The following FSTL5 variants were observed in gnomAD, a reference collection of about 807,000 sequenced individuals.
The protein encoded by FSTL5 is follistatin-related protein 5.
In FSTL5, 62 loss-of-function variants were observed where a neutral mutation model predicts 89.1. That is an observed-to-expected ratio of 0.70 (90% CI 0.57 to 0.86). The LOEUF (loss-of-function observed/expected upper bound fraction) is 0.86, where lower values mean the gene tolerates loss of function less well. Among genes scored for constraint, FSTL5 ranks in the 40% least tolerant of loss-of-function variants. FSTL5 has a pLI of 0.00. For missense variants in FSTL5, 1,057 were observed against 1,001.6 expected, an observed-to-expected ratio of 1.06 and a Z score of -0.75; for synonymous variants, 383 against 346.2, an observed-to-expected ratio of 1.11 and a Z score of -1.18.
chr4:162,046,230 C>T (rs1738172448), intron 2 of FSTL5, among the ~76,000 whole-genome samples: 1 of 152,050 alleles, frequency 6.6e-6, no homozygotes, highest in African/African-American at 2.4e-5. Context: ...AGTTCATATT[C>T]TATCTGGAAA....
intron 15 of FSTL5, among the ~76,000 whole-genome samples, chr4:161,411,274 C>T (rs572217416): frequency 6.6e-6 from 1 of 152,010 alleles, no homozygotes; most frequent in Non-Finnish European, 1.5e-5. Context: ...AGAACTGATA[C>T]TAATCCTACT....
At chr4:161,760,886 T>A (rs1248036615) in intron 5 of FSTL5, among the ~76,000 whole-genome samples, 1 of 152,172 alleles carries the variant, frequency 6.6e-6, no homozygotes, top group Non-Finnish European at 1.5e-5. Flanking sequence ...TGTTGAACGT[T>A]TCATGATGTC....
intron 4 of FSTL5, among the ~76,000 whole-genome samples, chr4:161,884,595 T>C (rs1472233324): frequency 6.6e-6 from 1 of 152,206 alleles, no homozygotes; most frequent in African/African-American, 2.4e-5. Flanking sequence ...AGGTAGAAAT[T>C]GAAACTAAAA....
chr4:162,017,716 C>A (rs1736953505), intron 3 of FSTL5, among the ~76,000 whole-genome samples: 2 of 152,070 alleles, frequency 1.3e-5, no homozygotes, highest in Admixed American at 1.3e-4. Context: ...GAGAATGAGA[C>A]AACAAAATGG....
chr4:161,835,483 C>T (rs1464019602), intron 4 of FSTL5, among the ~76,000 whole-genome samples: 2 of 151,956 alleles, frequency 1.3e-5, no homozygotes, highest in Non-Finnish European at 2.9e-5. Flanking sequence ...AGCTTCTGCA[C>T]AGCAAAAGAA....
At chr4:161,386,549 T>A in intron 15 of FSTL5, 100 bp from the exon 16 acceptor site, 1 of 754,886 alleles carries the variant, frequency 1.3e-6, no homozygotes, top group Non-Finnish European at 2.1e-6. Flanking sequence ...CAGGCTCTAA[T>A]TGTCAGGCGA....
At chr4:161,453,883 C>T (rs1367726672) in intron 15 of FSTL5, among the ~76,000 whole-genome samples, 1 of 152,174 alleles carries the variant, frequency 6.6e-6, no homozygotes, top group Non-Finnish European at 1.5e-5. Context: ...GGAGAGCTAC[C>T]ATGCCCAGCC....
intron 8 of FSTL5, among the ~76,000 whole-genome samples, chr4:161,570,227 T>C (rs1458430155): frequency 6.6e-6 from 1 of 152,058 alleles, no homozygotes; most frequent in Admixed American, 6.6e-5. Flanking sequence ...GGTGGGGGCA[T>C]AGTTAAAATT....
chr4:162,028,079 T>C (rs1220768378), intron 3 of FSTL5, among the ~76,000 whole-genome samples: 1 of 152,190 alleles, frequency 6.6e-6, no homozygotes, highest in Non-Finnish European at 1.5e-5. Flanking sequence ...CATTACTGCT[T>C]GATAAAAACA....
chr4:162,090,767 C>T (rs1419725803), intron 2 of FSTL5, among the ~76,000 whole-genome samples: 2 of 151,746 alleles, frequency 1.3e-5, no homozygotes, highest in East Asian at 1.9e-4. Flanking sequence ...TCCAGTGAGC[C>T]GAGATTGCGC....
At chr4:161,890,354 T>C (rs1172209972) in intron 4 of FSTL5, among the ~76,000 whole-genome samples, 5 of 152,144 alleles carry the variant, frequency 3.3e-5, no homozygotes, top group African/African-American at 1.2e-4. Flanking sequence ...CAAGTCCCTT[T>C]TTCCTCTATT....
chr4:161,410,697 T>C (rs533770557), intron 15 of FSTL5, among the ~76,000 whole-genome samples: 1 of 152,130 alleles, frequency 6.6e-6, no homozygotes, highest in East Asian at 1.9e-4. Context: ...ACACAACTTA[T>C]CAAAATCTCT....
intron 3 of FSTL5, among the ~76,000 whole-genome samples, chr4:161,962,458 T>C (rs537445370): frequency 6.6e-5 from 10 of 152,152 alleles, no homozygotes; most frequent in East Asian, 5.8e-4. Context: ...AACCCTCTAA[T>C]TGATACCTTG....
intron 15 of FSTL5, among the ~76,000 whole-genome samples, chr4:161,439,668 A>G (rs1196721180): frequency 6.6e-6 from 1 of 152,112 alleles, no homozygotes; most frequent in Non-Finnish European, 1.5e-5. Context: ...AAGAATTAGA[A>G]TCTTTGACAA....
chr4:161,708,070 G>A (rs1191993458), intron 6 of FSTL5, among the ~76,000 whole-genome samples: 2 of 151,996 alleles, frequency 1.3e-5, no homozygotes, highest in Non-Finnish European at 2.9e-5. Context: ...TATATGCAAT[G>A]TGGAAAGCTG....
At chr4:161,696,923 G>A (rs567556006) in intron 6 of FSTL5, among the ~76,000 whole-genome samples, 35 of 152,252 alleles carry the variant, frequency 2.3e-4, no homozygotes, top group East Asian at 7.7e-4. Flanking sequence ...TTTCTTTACC[G>A]ATTAGGATGC....
At chr4:162,159,276 A>G (rs984821086) in intron 1 of FSTL5, among the ~76,000 whole-genome samples, 34 of 152,044 alleles carry the variant, frequency 2.2e-4, no homozygotes, top group Non-Finnish European at 3.8e-4. Flanking sequence ...CTTAATTGCT[A>G]CCTTGGTGCT....
chr4:162,053,805 A>G (rs1738456495), intron 2 of FSTL5, among the ~76,000 whole-genome samples: 1 of 151,832 alleles, frequency 6.6e-6, no homozygotes, highest in Non-Finnish European at 1.5e-5. Flanking sequence ...ATTTTTTAAA[A>G]GTGAACATTC....
At chr4:161,982,839 G>A (rs1235343717) in intron 3 of FSTL5, among the ~76,000 whole-genome samples, 1 of 151,988 alleles carries the variant, frequency 6.6e-6, no homozygotes. Flanking sequence ...TTATTCTTTC[G>A]AAGTTAAGAT....
Sources: allele counts gnomAD v4.1 joint callset (sites outside exome capture counted in the v4.1 genomes callset), GRCh38; gene constraint gnomAD v4.1.1; transcripts MANE v1.5; gene names NCBI Gene and HGNC (gene_info 2026-07-23, HGNC 2026-07-21).